PTPN9: variants seen among roughly 807,000 people sequenced by gnomAD.
The protein encoded by PTPN9 is tyrosine-protein phosphatase non-receptor type 9.
A neutral mutation model predicts 69.8 loss-of-function variants in PTPN9; 26 were observed. That is an observed-to-expected ratio of 0.37 (90% confidence interval 0.27 to 0.52). The LOEUF is 0.52. Ranked by LOEUF, PTPN9 falls within the 20% of genes least tolerant of loss-of-function variation. The pLI is 0.91. For missense variants in PTPN9, 549 were observed against 740.3 expected (o/e 0.74, Z 3.00); for synonymous variants, 274 against 272.5 (o/e 1.01, Z -0.05).
intron 8 of PTPN9, among the ~76,000 whole-genome samples, chr15:75,488,444 A>G (rs1426381324): frequency 6.6e-6 from 1 of 152,038 alleles, no homozygotes; most frequent in Non-Finnish European, 1.5e-5. Context: ...GATAATAATA[A>G]TTTAGTCATT....
chr15:75,553,784 C>G (rs937970222), intron 1 of PTPN9, among the ~76,000 whole-genome samples: 1 of 151,950 alleles, frequency 6.6e-6, no homozygotes. Flanking sequence ...TCTAACTGGC[C>G]CCTGCATTCT....
At chr15:75,495,601 C>T (rs1253584909) in intron 7 of PTPN9, among the ~76,000 whole-genome samples, 2 of 152,006 alleles carry the variant, frequency 1.3e-5, no homozygotes, top group Non-Finnish European at 1.5e-5. Context: ...CCTATAATCC[C>T]AGCTACTCAG....
At chr15:75,541,622 G>A (rs1032843713) in intron 1 of PTPN9, among the ~76,000 whole-genome samples, 2 of 151,760 alleles carry the variant, frequency 1.3e-5, no homozygotes, top group Admixed American at 1.3e-4. Context: ...TAGCCAGGAT[G>A]GTCTTGATCT....
intron 1 of PTPN9, among the ~76,000 whole-genome samples, chr15:75,558,337 GAAAA>G (rs1288251127): frequency 2.0e-5 from 3 of 149,668 alleles, no homozygotes; most frequent in South Asian, 2.1e-4. Context: ...AAAAAAAAAA[GAAAA>G]AATAGAAATA....
intron 1 of PTPN9, among the ~76,000 whole-genome samples, chr15:75,548,991 C>A (rs995219658): frequency 3.3e-5 from 5 of 151,570 alleles, no homozygotes; most frequent in Admixed American, 3.3e-4. Context: ...CAGGGTCTCC[C>A]TCTGTAACCA....
At chr15:75,541,413 A>G (rs1306425078) in intron 1 of PTPN9, among the ~76,000 whole-genome samples, 1 of 150,116 alleles carries the variant, frequency 6.7e-6, no homozygotes, top group Non-Finnish European at 1.5e-5. Context: ...TTAATTAATT[A>G]ATTAATTTTT....
chr15:75,482,047 C>T (rs1032438940), intron 8 of PTPN9, among the ~76,000 whole-genome samples: 14 of 149,132 alleles, frequency 9.4e-5, no homozygotes, highest in Non-Finnish European at 1.5e-4. Flanking sequence ...ATTGAGAAAT[C>T]GGATGGTTGC....
chr15:75,494,635 G>C (rs571791686), intron 7 of PTPN9, among the ~76,000 whole-genome samples: 1 of 151,966 alleles, frequency 6.6e-6, no homozygotes, highest in African/African-American at 2.4e-5. Flanking sequence ...TTACAGGCTT[G>C]AGCCACTGTG....
intron 3 of PTPN9, among the ~76,000 whole-genome samples, chr15:75,523,958 C>T (rs1234598487): frequency 6.6e-6 from 1 of 151,894 alleles, no homozygotes; most frequent in Non-Finnish European, 1.5e-5. Context: ...AAAGTCCAAA[C>T]AGGGGGGGAT....
intron 1 of PTPN9, among the ~76,000 whole-genome samples, chr15:75,535,159 G>T (rs896079226): frequency 1.3e-5 from 2 of 151,732 alleles, no homozygotes; most frequent in Non-Finnish European, 2.9e-5. Context: ...ACCATGCCTG[G>T]CTATTTTTTT....
intron 1 of PTPN9, among the ~76,000 whole-genome samples, chr15:75,544,889 G>T (rs918580762): frequency 2.0e-5 from 3 of 152,204 alleles, no homozygotes; most frequent in Admixed American, 6.6e-5. Flanking sequence ...TGAGGAAATT[G>T]AAGTTGGCTT....
intron 5 of PTPN9, chr15:75,512,920 C>G (rs767310970): frequency 1.0e-4 from 38 of 377,330 alleles, no homozygotes; most frequent in Non-Finnish European, 1.8e-4. Context: ...ATAGATACAT[C>G]TGTAGATCTG....
intron 1 of PTPN9, among the ~76,000 whole-genome samples, chr15:75,560,392 TG>T (rs1391478161): frequency 6.6e-6 from 1 of 152,160 alleles, no homozygotes; most frequent in Non-Finnish European, 1.5e-5. Flanking sequence ...TCTTCATTTT[TG>T]GGGTTTTCAA....
chr15:75,525,122 T>C (rs1001913315), intron 2 of PTPN9, among the ~76,000 whole-genome samples: 1 of 152,050 alleles, frequency 6.6e-6, no homozygotes, highest in Non-Finnish European at 1.5e-5. Context: ...TATGTTTAAA[T>C]AGGAGCCTTC....
intron 8 of PTPN9, among the ~76,000 whole-genome samples, chr15:75,485,575 T>TTAG (rs2141296336): frequency 6.7e-6 from 1 of 149,418 alleles, no homozygotes; most frequent in African/African-American, 2.4e-5. Flanking sequence ...TTTCACCTTG[T>TTAG]TAGCCAGGAT....
intron 1 of PTPN9, among the ~76,000 whole-genome samples, chr15:75,569,176 G>A (rs2075138406): frequency 6.6e-6 from 1 of 152,152 alleles, no homozygotes; most frequent in South Asian, 2.1e-4. Flanking sequence ...TGAAATGGCT[G>A]ATATTACACT....
At chr15:75,573,645 A>G (rs775268025) in intron 1 of PTPN9, among the ~76,000 whole-genome samples, 2 of 152,244 alleles carry the variant, frequency 1.3e-5, no homozygotes, top group Non-Finnish European at 2.9e-5. Context: ...CCTGTATACA[A>G]ATCAAGAGTA....
chr15:75,502,320 G>A (rs567971251), intron 7 of PTPN9, among the ~76,000 whole-genome samples: 6 of 152,010 alleles, frequency 3.9e-5, no homozygotes, highest in Non-Finnish European at 4.4e-5. Context: ...GGTGGTGCGC[G>A]CCTATAATTC....
intron 1 of PTPN9, among the ~76,000 whole-genome samples, chr15:75,574,150 A>C (rs1390054999): frequency 6.6e-6 from 1 of 152,086 alleles, no homozygotes. Context: ...CTCAAGAGCA[A>C]TGACAAGGCC....
Sources: gnomAD v4.1 joint callset for allele counts (sites outside exome capture counted in the v4.1 genomes callset) on GRCh38, gnomAD v4.1.1 for gene constraint, MANE v1.5 for transcripts, NCBI Gene and HGNC (gene_info 2026-07-23, HGNC 2026-07-21) for gene names.